The following TMEM179 variants were observed in gnomAD, a reference collection of about 807,000 sequenced individuals.
TMEM179 encodes the protein transmembrane protein 179.
TMEM179 carries 17 observed loss-of-function variants against 22.2 expected under a neutral mutation model. The observed-to-expected ratio is 0.77, with a 90% CI of 0.52 to 1.15. The LOEUF (loss-of-function observed/expected upper bound fraction) is 1.15, where lower values mean the gene tolerates loss of function less well. TMEM179 is among the 50% of genes most tolerant of loss of function. The pLI is 0.00. For synonymous variants in TMEM179, 127 were observed against 140.5 expected (o/e 0.90, Z 0.68); for missense variants, 265 against 313.6 (o/e 0.84, Z 1.17).
chr14:104,597,207 C>A lies in TMEM179; in HGVS notation c.306-80G>T, dbSNP rs1162997475. On this transcript the variant is annotated intron_variant, in intron 1 of 3. Coordinates refer to ENST00000556573, the MANE Select transcript of TMEM179 (RefSeq NM_001286389.2). This position sits in a 1 kb window ranked among gnomAD's most constrained non-coding sequence, Gnocchi z 4.8. ...CCCGCCCCCAGGCTGCAGCCAGAAA[C>A]AGGAGGGGCAGGCTCACTGGACGCC... 53 of 1,498,538 alleles carry A rather than the reference C, an allele frequency of 3.5e-5. No homozygotes were observed. The highest frequency in any genetic ancestry group is 4.1e-5 in the Non-Finnish European group (46 of 1,125,436). The allele number at this position is 1,498,538 out of a possible 1,614,324, so 92.8% of individuals were successfully genotyped here. A position where few individuals can be genotyped will look rare whatever the true frequency, so the allele number is the denominator to read the frequency against.
chr14:104,593,884 C>T (rs1043519523), intron 3 of TMEM179, among the ~76,000 whole-genome samples: 6 of 152,254 alleles, frequency 3.9e-5, no homozygotes, highest in Admixed American at 2.0e-4. Context: ...GTGGCCCTCC[C>T]GGAACCCACT....
At chr14:104,598,818 C>T (rs1348102510) in intron 1 of TMEM179, among the ~76,000 whole-genome samples, 4 of 152,212 alleles carry the variant, frequency 2.6e-5, no homozygotes, top group Non-Finnish European at 5.9e-5. Flanking sequence ...GTTTGAGCCA[C>T]CCCAGGGAGT....
Position 104,597,110 on chromosome 14 carries a change from A to G in TMEM179, c.323T>C (p.Phe108Ser). Residue 108 changes from phenylalanine (F) to serine (S), a missense_variant, in exon 2 of 4, where the codon TTC becomes TCC. Phe to Ser is a radical substitution (Grantham distance 155). Transcript: ENST00000556573. The surrounding 1 kb of genome is among the most constrained non-coding windows in gnomAD (Gnocchi z 4.8). ...GAAGGCGCTGACCAGGAGGTTCAGG[A>G]AGGCGGAGAAGAAGGAGCTGCAGCC... ...KGHEGSFFSA[F>S]LNLLVSAFVV... The G allele has an allele frequency of 6.2e-7, 1 of 1,600,582 alleles. No homozygotes were observed. Among genetic ancestry groups the G allele is most frequent in the Non-Finnish European group, 8.5e-7 (1 of 1,174,532 alleles).
intron 3 of TMEM179, chr14:104,594,652 G>A: frequency 2.5e-6 from 3 of 1,218,814 alleles, no homozygotes; most frequent in East Asian, 3.3e-5. Context: ...GGGGGCGGGG[G>A]ACGCAGCTTA....
chr14:104,598,038 A>T (rs954388087), intron 1 of TMEM179, among the ~76,000 whole-genome samples: 1 of 152,162 alleles, frequency 6.6e-6, no homozygotes, highest in African/African-American at 2.4e-5. Context: ...CTTTCAGAGG[A>T]TGCTCGTGTT....
rs1266016951 is a variant in TMEM179 at position 104,597,369 on chromosome 14, G to A, written c.306-242C>T. On this transcript the variant is annotated intron_variant, in intron 1 of 3. Transcript: ENST00000556573. This position sits in a 1 kb window ranked among gnomAD's most constrained non-coding sequence, Gnocchi z 4.8. ...TCCGTGTGCCCACCCTGGGCTGCAG[G>A]TCACACCTTCCCAAAGACCCAGGAC... Among the ~76,000 whole-genome samples, 2 of 152,102 alleles carry A rather than the reference G, an allele frequency of 1.3e-5. No homozygotes were observed. The highest frequency in any genetic ancestry group is 1.9e-4 in the East Asian group (1 of 5,188).
rs1483681853 is a variant in TMEM179 at position 104,604,248 on chromosome 14, G to A, written c.305+189C>T. ...GGCCTTGTACGCAGGACCGGTGGTCGTCATGGTCCCTGGATGTGTGTGTAG... is the reference window on the plus strand; with the variant it reads ...GGCCTTGTACGCAGGACCGGTGGTCATCATGGTCCCTGGATGTGTGTGTAG... On this transcript the variant is annotated intron_variant, in intron 1 of 3. Transcript: ENST00000556573. The surrounding 1 kb of genome is among the most constrained non-coding windows in gnomAD (Gnocchi z 4.6). Among the ~76,000 whole-genome samples the A allele has an allele frequency of 2.0e-5, 3 of 152,192 alleles. No individual in the cohort carries two copies. Among genetic ancestry groups the A allele is most frequent in the African/African-American group, 4.8e-5 (2 of 41,440 alleles).
rs547698999 is a variant in TMEM179, at chr14:104,593,280, C to T, written c.*199G>A. 54 of 652,058 alleles carry T rather than the reference C, an allele frequency of 8.3e-5. No homozygotes were observed. The highest frequency in any genetic ancestry group is 2.7e-4 in the Middle Eastern group (1 of 3,740). The allele number at this position is 652,058 out of a possible 1,614,324, so 40.4% of individuals were successfully genotyped here. A position where few individuals can be genotyped will look rare whatever the true frequency, so the allele number is the denominator to read the frequency against. The stretch of plus-strand genomic sequence containing the variant: ...CTCTGCACCATCCTCATCAGGGAGC[C>T]GGCACCCACCCAGTCCACTGCCAGG... On this transcript the variant is annotated 3_prime_UTR_variant, in exon 4 of 4. Transcript: ENST00000556573.
At position 104,597,261 on chromosome 14, in the gene TMEM179, C is replaced by T; in HGVS notation, c.306-134G>A. 1 of 1,214,204 alleles carries T rather than the reference C, an allele frequency of 8.2e-7. No homozygotes were observed. 75.2% of individuals were successfully genotyped at this position (1,214,204 alleles called of 1,614,324 possible). A position where few individuals can be genotyped will look rare whatever the true frequency, so the allele number is the denominator to read the frequency against. On this transcript the variant is annotated intron_variant, in intron 1 of 3. Transcript: ENST00000556573. The surrounding 1 kb of genome is among the most constrained non-coding windows in gnomAD (Gnocchi z 4.8). ...TCCTGGGCAACCCCCACCAGCAGCA[C>T]CCCCCGGACCCTCAGGATTCCTGGG... is the stretch of plus-strand genomic sequence containing the variant.
chr14:104,601,941 T>C (rs980061503), intron 1 of TMEM179, among the ~76,000 whole-genome samples: 10 of 151,970 alleles, frequency 6.6e-5, no homozygotes, highest in Non-Finnish European at 1.2e-4. Context: ...CTAAATCCCA[T>C]ATGGGCCGGT....
At chr14:104,599,137 A>T (rs1225583671) in intron 1 of TMEM179, among the ~76,000 whole-genome samples, 1 of 152,198 alleles carries the variant, frequency 6.6e-6, no homozygotes, top group Admixed American at 6.5e-5. Context: ...TGTGAGTCTC[A>T]GAGCTGTCAC....
rs1466579673 is a variant in TMEM179 at position 104,597,930 on chromosome 14, G to A, written c.306-803C>T. Among the ~76,000 whole-genome samples the A allele has an allele frequency of 6.6e-6, 1 of 152,214 alleles. No homozygotes were observed. The highest frequency in any genetic ancestry group is 1.5e-5 in the Non-Finnish European group (1 of 68,032). On this transcript the variant is annotated intron_variant, in intron 1 of 3. Transcript: ENST00000556573. The surrounding 1 kb of genome is among the most constrained non-coding windows in gnomAD (Gnocchi z 4.8). ...CATCTGACCAGGGCCAGAGCATGGGGAGCGCAGGAGGCAGGGCCATGAGGA... is the reference window on the plus strand; with the variant it reads ...CATCTGACCAGGGCCAGAGCATGGGAAGCGCAGGAGGCAGGGCCATGAGGA...
chr14:104,603,919 C>A lies in TMEM179; in HGVS notation c.305+518G>T, dbSNP rs117099437. Among the ~76,000 whole-genome samples, 144 of 152,334 alleles carry A rather than the reference C, an allele frequency of 9.5e-4. 1 individual carries two copies. In the Middle Eastern group the frequency reaches 0.02, roughly 22 times the overall value. The stretch of plus-strand genomic sequence containing the variant: ...CGCCCTGCAGTCTCTCTCCAGCTCC[C>A]CATCCAAGGCCTGAGCTCGAGGTGG... On this transcript the variant is annotated intron_variant, in intron 1 of 3. Coordinates refer to ENST00000556573, the MANE Select transcript of TMEM179 (RefSeq NM_001286389.2).
rs1432440251 is a variant in TMEM179, at chr14:104,591,220, C to T, written c.*2259G>A. ...ACCCTGGCCATGGGGCTGTTCCACA[C>T]CTGCTCCTGGGATCCAGCAGTGCAG... On this transcript the variant is annotated 3_prime_UTR_variant, in exon 4 of 4. Coordinates refer to ENST00000556573, the MANE Select transcript of TMEM179 (RefSeq NM_001286389.2). 2 of 374,334 alleles carry T rather than the reference C, an allele frequency of 5.3e-6. No homozygotes were observed. Among genetic ancestry groups the T allele is most frequent in the Non-Finnish European group, 1.0e-5 (2 of 190,794 alleles). 23.2% of individuals were successfully genotyped at this position (374,334 alleles called of 1,614,324 possible).
intron 3 of TMEM179, chr14:104,594,289 C>A (rs954513604): frequency 4.0e-5 from 49 of 1,231,624 alleles, no homozygotes; most frequent in Non-Finnish European, 4.9e-5. Context: ...CATTCAGGCC[C>A]ACCCATGTCC....
At chr14:104,594,738 C>T (rs1886960806) in intron 3 of TMEM179, 2 of 1,138,908 alleles carry the variant, frequency 1.8e-6, no homozygotes. Flanking sequence ...TATCAGCTTC[C>T]CCCTGGCTAG....
chr14:104,597,266 C>T lies in TMEM179; in HGVS notation c.306-139G>A, dbSNP rs1291640052. The T allele has an allele frequency of 3.0e-5, 37 of 1,224,330 alleles. No individual in the cohort carries two copies. Among genetic ancestry groups the T allele is most frequent in the Non-Finnish European group, 3.8e-5 (34 of 902,228 alleles). 75.8% of individuals were successfully genotyped at this position (1,224,330 alleles called of 1,614,324 possible). A position where few individuals can be genotyped will look rare whatever the true frequency, so the allele number is the denominator to read the frequency against. Reference sequence around the variant, plus strand: ...GGCAACCCCCACCAGCAGCACCCCCCGGACCCTCAGGATTCCTGGGTTGGG... The same window carrying T: ...GGCAACCCCCACCAGCAGCACCCCCTGGACCCTCAGGATTCCTGGGTTGGG... On this transcript the variant is annotated intron_variant, in intron 1 of 3. Transcript: ENST00000556573. This position sits in a 1 kb window ranked among gnomAD's most constrained non-coding sequence, Gnocchi z 4.8.
intron 3 of TMEM179, chr14:104,594,293 C>T (rs1886943621): frequency 1.6e-6 from 2 of 1,231,752 alleles, no homozygotes; most frequent in Non-Finnish European, 2.0e-6. Flanking sequence ...CAGGCCCACC[C>T]ATGTCCAGCA....
chr14:104,593,953 C>A, intron 3 of TMEM179: 1 of 991,376 alleles, frequency 1.0e-6, no homozygotes, highest in African/African-American at 1.7e-5. Flanking sequence ...CCAGAGGCCC[C>A]GAGGAGGGGC....
Sources: allele counts gnomAD v4.1 joint callset (sites outside exome capture counted in the v4.1 genomes callset), GRCh38; gene constraint gnomAD v4.1.1; non-coding constraint Gnocchi (gnomAD v3.1); transcripts MANE v1.5; gene names NCBI Gene and HGNC (gene_info 2026-07-23, HGNC 2026-07-21).